Variants in TCF3 observed in about 807,000 individuals in gnomAD.
The protein encoded by TCF3 is transcription factor 3.
In TCF3, 54 loss-of-function variants were observed where a neutral mutation model predicts 72.3. The observed-to-expected ratio is 0.75, with a 90% confidence interval of 0.60 to 0.94. The LOEUF is 0.94. Among genes scored for constraint, TCF3 ranks in the 40% least tolerant of loss-of-function variants. The probability of loss-of-function intolerance (pLI) is 0.00; values close to 1 mark genes in which losing one functional copy is unlikely to be tolerated. For synonymous variants in TCF3, 525 were observed against 412.6 expected, an observed-to-expected ratio of 1.27 and a Z score of -3.30; for missense variants, 1,078 against 934.4, an observed-to-expected ratio of 1.15 and a Z score of -2.00.
chr19:1,623,855 C>G lies in TCF3; in HGVS notation c.549+96G>C. The G allele has an allele frequency of 3.8e-6, 5 of 1,303,762 alleles. No individual in the cohort carries two copies. In the South Asian group the frequency reaches 5.2e-5, roughly 13 times the overall value. 80.8% of individuals were successfully genotyped at this position (1,303,762 alleles called of 1,614,324 possible). On this transcript the variant is annotated intron_variant, in intron 8 of 18. Transcript: ENST00000262965. ...CACAGGGGGCCTGTCCACTCAGGGC[C>G]CACCCCGCCATGTGTGTTCCCAAGC...
In TCF3 at chr19:1,642,157, C is replaced by CAG. The variant is rs1555774849; in HGVS notation, c.145+4197_145+4198insCT. 3.6e-3 allele frequency among the ~76,000 whole-genome samples: 552 copies of CAG among 151,806 alleles called. 3 individuals carry two copies. Among genetic ancestry groups the CAG allele is most frequent in the African/African-American group, 0.012 (513 of 41,404 alleles). ...ACACACACACACACACACACACACACACACACACGCACGCGTACACACACG... is the reference window on the plus strand; with the variant it reads ...ACACACACACACACACACACACACACAGACACACACGCACGCGTACACACACG... On this transcript the variant is annotated intron_variant, in intron 3 of 18. Coordinates refer to ENST00000262965, the MANE Select transcript of TCF3 (RefSeq NM_003200.5).
chr19:1,640,142 G>A (rs1036629247), intron 3 of TCF3, among the ~76,000 whole-genome samples: 4 of 152,030 alleles, frequency 2.6e-5, no homozygotes, highest in African/African-American at 7.2e-5. Context: ...GCCTCCAAAC[G>A]TTATCAAAGA....
In TCF3 at chr19:1,619,776, T is replaced by C. The variant is rs1161842317; in HGVS notation, c.1167+4A>G. The C allele has an allele frequency of 6.5e-7, 1 of 1,548,328 alleles. No individual in the cohort carries two copies. The highest frequency in any genetic ancestry group is 8.7e-7 in the Non-Finnish European group (1 of 1,145,664). The stretch of plus-strand genomic sequence containing the variant: ...GGGTGGGGTGGGGCGGGGCAGGCAC[T>C]CACCAGGCCGTGGAGACCCCCGTCG... On this transcript the variant is annotated splice_donor_region_variant and intron_variant, in intron 14 of 18. Transcript: ENST00000262965.
intron 3 of TCF3, among the ~76,000 whole-genome samples, chr19:1,645,881 G>A (rs573989957): frequency 1.3e-5 from 2 of 152,174 alleles, no homozygotes; most frequent in Non-Finnish European, 2.9e-5. Flanking sequence ...CCCTGGTGCT[G>A]GGCCCTGCAT....
chr19:1,650,024 G>A (rs2066761611), intron 2 of TCF3, among the ~76,000 whole-genome samples, 153 bp downstream of exon 2: 1 of 152,320 alleles, frequency 6.6e-6, no homozygotes, highest in South Asian at 2.1e-4. Context: ...TCCTGCCAGA[G>A]AGCGGCCCAC....
At chr19:1,630,844 G>A (rs2063623257) in intron 5 of TCF3, among the ~76,000 whole-genome samples, 1 of 152,126 alleles carries the variant, frequency 6.6e-6, no homozygotes, top group Admixed American at 6.5e-5. Context: ...CGAACCCTGG[G>A]GCACAGGACT....
At chr19:1,626,569 C>A (rs910638249) in intron 6 of TCF3, among the ~76,000 whole-genome samples, 4 of 152,186 alleles carry the variant, frequency 2.6e-5, no homozygotes, top group African/African-American at 9.6e-5. Context: ...CCCTGTGTGG[C>A]CACCGCGGGG....
intron 3 of TCF3, among the ~76,000 whole-genome samples, chr19:1,634,058 C>T (rs909120101): frequency 4.6e-5 from 7 of 152,198 alleles, no homozygotes; most frequent in African/African-American, 1.7e-4. Flanking sequence ...GGCCCCATGC[C>T]CAGGGATCGC....
intron 2 of TCF3, among the ~76,000 whole-genome samples, 178 bp from the exon 3 acceptor site, chr19:1,646,605 C>A (rs567154646): frequency 6.6e-6 from 1 of 152,130 alleles, no homozygotes; most frequent in African/African-American, 2.4e-5. Context: ...TCTGAGGACT[C>A]GCGTGCCCTC....
intron 7 of TCF3, among the ~76,000 whole-genome samples, chr19:1,625,284 T>C (rs1244792369): frequency 1.3e-5 from 2 of 152,198 alleles, no homozygotes; most frequent in African/African-American, 4.8e-5. Context: ...TGCAGCCCCA[T>C]GAGGCATCTG....
intron 3 of TCF3, among the ~76,000 whole-genome samples, chr19:1,633,201 A>G (rs1329337929): frequency 2.6e-5 from 4 of 152,098 alleles, no homozygotes; most frequent in Non-Finnish European, 5.9e-5. Flanking sequence ...TCCCCCTTCC[A>G]TCGGGGGCCA....
At chr19:1,632,711 T>C (rs1246906097) in intron 3 of TCF3, among the ~76,000 whole-genome samples, 2 of 152,072 alleles carry the variant, frequency 1.3e-5, no homozygotes, top group Non-Finnish European at 2.9e-5. Flanking sequence ...AAGACCTCAC[T>C]CTCACGCCGA....
chr19:1,651,984 C>A (rs1168361318), intron 1 of TCF3, among the ~76,000 whole-genome samples: 31 of 150,938 alleles, frequency 2.1e-4, no homozygotes, highest in African/African-American at 7.3e-4. Flanking sequence ...GGGGACGGTC[C>A]TCGCGCCTAA....
At chr19:1,623,514 G>A (rs1205830392) in intron 8 of TCF3, among the ~76,000 whole-genome samples, 2 of 151,884 alleles carry the variant, frequency 1.3e-5, no homozygotes, top group South Asian at 2.1e-4. Context: ...CTCCCAAGTA[G>A]CTGGGATTAC....
At chr19:1,619,567 T>TC in intron 14 of TCF3, 93 bp from the exon 15 acceptor site, 1 of 1,463,560 alleles carries the variant, frequency 6.8e-7, no homozygotes, top group South Asian at 1.4e-5. Context: ...TGGCCGGTGG[T>TC]CCCATCTTCC....
At chr19:1,647,179 G>A (rs2066251463) in intron 2 of TCF3, among the ~76,000 whole-genome samples, 2 of 142,038 alleles carry the variant, frequency 1.4e-5, no homozygotes, top group Admixed American at 1.4e-4. Context: ...CGGCTCACCC[G>A]TACCCAGAAC....
chr19:1,617,239 G>A (rs937992366), intron 16 of TCF3, among the ~76,000 whole-genome samples: 3 of 152,194 alleles, frequency 2.0e-5, no homozygotes, highest in Non-Finnish European at 2.9e-5. Context: ...TGATCAGCAG[G>A]TTGGCAGGAA....
intron 3 of TCF3, among the ~76,000 whole-genome samples, chr19:1,641,058 G>A (rs2065165569): frequency 1.3e-5 from 2 of 151,418 alleles, no homozygotes; most frequent in South Asian, 4.2e-4. Flanking sequence ...GCTGAAGCAG[G>A]AGAATCGTTT....
chr19:1,621,884 G>A lies in TCF3; in HGVS notation c.909C>T (p.Gly303=), dbSNP rs528499717. 14 of 1,594,726 alleles carry A rather than the reference G, an allele frequency of 8.8e-6. No homozygotes were observed. The highest frequency in any genetic ancestry group is 8.0e-5 in the African/African-American group (6 of 74,862). The part of the protein sequence containing the change: ...FSSAPGATYG[G]VSSHTPPVSG... ...TGACAGGCGGCGTGTGGCTGGAGACGCCGCCGTACGTGGCTCCGGGGGCTG... is the reference window on the plus strand; with the variant it reads ...TGACAGGCGGCGTGTGGCTGGAGACACCGCCGTACGTGGCTCCGGGGGCTG... Residue 303 remains glycine (G), a synonymous_variant, in exon 11 of 19, where the codon GGC becomes GGT. Transcript: ENST00000262965.
Sources: allele counts gnomAD v4.1 joint callset (sites outside exome capture counted in the v4.1 genomes callset), GRCh38; gene constraint gnomAD v4.1.1; transcripts MANE v1.5; gene names NCBI Gene and HGNC (gene_info 2026-07-23, HGNC 2026-07-21).